The following IPP variants were observed in gnomAD, a reference collection of about 807,000 sequenced individuals.
IPP encodes the protein intracisternal A particle-promoted polypeptide, also known as actin-binding protein IPP.
A neutral mutation model predicts 64.1 loss-of-function variants in IPP; 41 were observed. The ratio of observed to expected loss-of-function variants is 0.64; its 90% CI spans 0.50 to 0.83. The LOEUF is 0.83. Among genes scored for constraint, IPP ranks in the 40% least tolerant of loss-of-function variants. IPP has a pLI of 0.00. For missense variants in IPP, 649 were observed against 703.0 expected (o/e 0.92, Z 0.87); for synonymous variants, 214 against 235.2 (o/e 0.91, Z 0.83).
chr1:45,744,017 C>CAA lies in IPP; in HGVS notation c.292+2101_292+2102dup, dbSNP rs202157506. ...GGGCGACAAAGTGAAACCCCGTCAC[C>CAA]AAAAAAAAAAAAAAGAGTAATATAT... On this transcript the variant is annotated intron_variant, in intron 2 of 8. Coordinates refer to ENST00000396478, the MANE Select transcript of IPP (RefSeq NM_005897.3). 7.5e-4 allele frequency among the ~76,000 whole-genome samples: 76 copies of CAA among 100,820 alleles called. 1 individual carries two copies. Among genetic ancestry groups the CAA allele is most frequent in the Middle Eastern group, 5.2e-3 (1 of 192 alleles). The allele number at this position is 100,820 out of a possible 152,430, so 66.1% of individuals were successfully genotyped here. A position where few individuals can be genotyped will look rare whatever the true frequency, so the allele number is the denominator to read the frequency against.
intron 3 of IPP, among the ~76,000 whole-genome samples, chr1:45,740,494 C>CG (rs906582000): frequency 1.3e-5 from 2 of 152,020 alleles, no homozygotes; most frequent in Non-Finnish European, 2.9e-5. Flanking sequence ...GCTGGCCGGG[C>CG]GGGGGGCTGA....
chr1:45,715,418 G>A lies in IPP; in HGVS notation c.1310-952C>T, dbSNP rs1645645179. ...GCACTTTAGGGGGCCAAGGTGGGCA[G>A]ATGACGAGGTCAGGAGATTGTGATC... On this transcript the variant is annotated intron_variant, in intron 7 of 8. Coordinates refer to ENST00000396478, the MANE Select transcript of IPP (RefSeq NM_005897.3). 3.3e-5 allele frequency among the ~76,000 whole-genome samples: 5 copies of A among 152,076 alleles called. No individual in the cohort carries two copies. The South Asian group carries it at 1.0e-3, about 32-fold the overall frequency.
chr1:45,709,844 A>AAG (rs1297097532), intron 8 of IPP, among the ~76,000 whole-genome samples: 1 of 42,944 alleles, frequency 2.3e-5, no homozygotes, highest in East Asian at 6.8e-4. Context: ...AAAAAAAAAA[A>AAG]AGAGAGAAGC....
Position 45,700,005 on chromosome 1 carries a change from C to G in IPP, c.1716G>C (p.Met572Ile), listed in dbSNP as rs200048803. The G allele has an allele frequency of 6.2e-7, 1 of 1,614,136 alleles. No individual in the cohort carries two copies. The highest frequency in any genetic ancestry group is 1.3e-5 in the African/African-American group (1 of 75,024). Residue 572 changes from methionine to isoleucine, a missense_variant, in exon 9 of 9, where the codon ATG becomes ATC. By Grantham distance (10) the Met-to-Ile change is conservative (BLOSUM62 1). Coordinates refer to ENST00000396478, the MANE Select transcript of IPP (RefSeq NM_005897.3). ...HSDTWTEIGN[M>I]ITSRCEGGVA... ...CGCCCCCTTCACAACGACTGGTGAT[C>G]ATGTTACCAATTTCTGTCCATGTAT...
At chr1:45,706,811 C>T (rs1557738661) in intron 8 of IPP, among the ~76,000 whole-genome samples, 1 of 152,030 alleles carries the variant, frequency 6.6e-6, no homozygotes, top group Non-Finnish European at 1.5e-5. Flanking sequence ...AATTATTTAA[C>T]AAAACAAAAT....
intron 2 of IPP, among the ~76,000 whole-genome samples, chr1:45,743,126 C>T (rs192375594): frequency 2.4e-4 from 36 of 151,478 alleles, no homozygotes; most frequent in Non-Finnish European, 3.4e-4. Context: ...TCAGTAGGGA[C>T]GAGGTTTCAC....
At chr1:45,705,632 C>A (rs1055741207) in intron 8 of IPP, among the ~76,000 whole-genome samples, 1 of 152,120 alleles carries the variant, frequency 6.6e-6, no homozygotes. Flanking sequence ...ATGGCAAAAC[C>A]CTGTCTCTAC....
At chr1:45,723,982 C>A (rs142876656) in intron 5 of IPP, among the ~76,000 whole-genome samples, 1,582 of 150,134 alleles carry the variant, frequency 0.011, 31 homozygotes, top group African/African-American at 0.037. Context: ...CCCTCCCCCT[C>A]CCTCTCCCTC....
intron 6 of IPP, among the ~76,000 whole-genome samples, chr1:45,717,267 C>T (rs1158535179): frequency 6.7e-6 from 1 of 148,828 alleles, no homozygotes; most frequent in Non-Finnish European, 1.5e-5. Context: ...TTTTAACTCC[C>T]TATTTTTCAC....
intron 1 of IPP, among the ~76,000 whole-genome samples, chr1:45,747,158 C>T (rs1646149031): frequency 6.6e-6 from 1 of 152,054 alleles, no homozygotes; most frequent in Non-Finnish European, 1.5e-5. Flanking sequence ...AAACACAGCC[C>T]TTTAAAGGCA....
intron 5 of IPP, among the ~76,000 whole-genome samples, chr1:45,724,926 C>A (rs1255510289): frequency 8.1e-6 from 1 of 123,154 alleles, no homozygotes; most frequent in Non-Finnish European, 1.8e-5. Flanking sequence ...CCGCCCCGTC[C>A]GGGAGGTGAG....
intron 5 of IPP, among the ~76,000 whole-genome samples, chr1:45,723,835 A>G (rs1645764958): frequency 1.3e-5 from 2 of 152,036 alleles, no homozygotes; most frequent in Admixed American, 1.3e-4. Context: ...TAAATAAATA[A>G]AATAAAAATA....
intron 2 of IPP, among the ~76,000 whole-genome samples, chr1:45,742,495 T>C (rs1386366340): frequency 6.6e-6 from 1 of 152,256 alleles, no homozygotes; most frequent in African/African-American, 2.4e-5. Flanking sequence ...ACAAGGTCTC[T>C]ATCTTCAATT....
At chr1:45,746,815 A>T (rs1646140336) in intron 1 of IPP, among the ~76,000 whole-genome samples, 1 of 152,250 alleles carries the variant, frequency 6.6e-6, no homozygotes, top group Non-Finnish European at 1.5e-5. Flanking sequence ...CACACATCAC[A>T]GACAACAGCA....
At position 45,717,980 on chromosome 1, in the gene IPP, TGAA is replaced by T. The variant is rs149144654; in HGVS notation, c.1187-966_1187-964del. Among the ~76,000 whole-genome samples, 462 of 152,348 alleles carry T rather than the reference TGAA, an allele frequency of 3.0e-3. 4 individuals carry two copies. The highest frequency in any genetic ancestry group is 0.023 in the East Asian group (117 of 5,196). Reference sequence around the variant, plus strand: ...GGGAAGACACTGAGTTACAGTGAACTGAAGAAGGAGTGAGAAGGAGAAAATAGG... The same window carrying T: ...GGGAAGACACTGAGTTACAGTGAACTGAAGGAGTGAGAAGGAGAAAATAGG... On this transcript the variant is annotated intron_variant, in intron 6 of 8. Transcript: ENST00000396478.
chr1:45,724,531 G>C (rs1645780917), intron 5 of IPP, among the ~76,000 whole-genome samples: 4 of 151,414 alleles, frequency 2.6e-5, no homozygotes, highest in Admixed American at 2.6e-4. Flanking sequence ...TCTAGGAAGC[G>C]AGGAGCGCCT....
At chr1:45,724,918 G>A (rs1239247726) in intron 5 of IPP, among the ~76,000 whole-genome samples, 137 of 138,858 alleles carry the variant, frequency 9.9e-4, no homozygotes, top group East Asian at 8.6e-3. Context: ...CCGGCCAGCC[G>A]CCCCGTCCGG....
intron 8 of IPP, among the ~76,000 whole-genome samples, chr1:45,705,680 C>T (rs1469290012): frequency 6.6e-6 from 1 of 152,098 alleles, no homozygotes; most frequent in East Asian, 1.9e-4. Flanking sequence ...GTGGTGCGCA[C>T]CTGTAATCTC....
chr1:45,727,906 T>C (rs1645853048), intron 4 of IPP, 108 bp from the exon 5 acceptor site: 2 of 750,658 alleles, frequency 2.7e-6, no homozygotes, highest in African/African-American at 1.8e-5. Flanking sequence ...TTACTTTCTC[T>C]ATATACATAT....
Sources: gnomAD v4.1 joint callset for allele counts (sites outside exome capture counted in the v4.1 genomes callset) on GRCh38, gnomAD v4.1.1 for gene constraint, MANE v1.5 for transcripts, NCBI Gene and HGNC (gene_info 2026-07-23, HGNC 2026-07-21) for gene names.